The following ATXN8OS variants were observed in gnomAD, a reference collection of about 807,000 sequenced individuals.
ATXN8OS encodes the protein ATXN8 opposite strand lncRNA.
At chr13:70,111,472 G>T (rs1202584995) in intron 1 of ATXN8OS, among the ~76,000 whole-genome samples, 1 of 152,086 alleles carries the variant, frequency 6.6e-6, no homozygotes, top group African/African-American at 2.4e-5. Context: ...GCTGTCTCAG[G>T]TCCCTCTTCC....
At chr13:70,136,424 C>A (rs965701674) in intron 3 of ATXN8OS, among the ~76,000 whole-genome samples, 1 of 151,612 alleles carries the variant, frequency 6.6e-6, no homozygotes, top group African/African-American at 2.4e-5. Flanking sequence ...AAATTGTATC[C>A]TACTTTTTTG....
chr13:70,140,993 C>T (rs982159452), intron 3 of ATXN8OS, among the ~76,000 whole-genome samples: 5 of 152,092 alleles, frequency 3.3e-5, no homozygotes, highest in African/African-American at 1.2e-4. Flanking sequence ...AGTCTCATTC[C>T]TACCATAGTT....
chr13:70,143,426 T>A (rs117866884), intron 3 of ATXN8OS, among the ~76,000 whole-genome samples: 205 of 152,290 alleles, frequency 1.3e-3, no homozygotes, highest in Non-Finnish European at 2.5e-3. Flanking sequence ...TTAAATTAGT[T>A]CCTTATTATA....
At chr13:70,136,474 T>G (rs974554662) in intron 3 of ATXN8OS, among the ~76,000 whole-genome samples, 1 of 151,650 alleles carries the variant, frequency 6.6e-6, no homozygotes, top group African/African-American at 2.4e-5. Context: ...TGTATAATAT[T>G]AAGTATAATT....
At chr13:70,164,493 T>G (rs1220513249) in intron 4 of ATXN8OS, among the ~76,000 whole-genome samples, 4 of 151,968 alleles carry the variant, frequency 2.6e-5, no homozygotes, top group Non-Finnish European at 5.9e-5. Flanking sequence ...TTAGGATATT[T>G]CATCTTTGTA....
intron 3 of ATXN8OS, among the ~76,000 whole-genome samples, chr13:70,142,317 C>T (rs1174564486): frequency 1.3e-5 from 2 of 152,166 alleles, no homozygotes. Flanking sequence ...GGGCTTTAGG[C>T]TAAAGCTTTT....
intron 4 of ATXN8OS, among the ~76,000 whole-genome samples, chr13:70,160,405 A>G (rs1195824993): frequency 6.6e-6 from 1 of 152,000 alleles, no homozygotes; most frequent in Non-Finnish European, 1.5e-5. Context: ...AAGCAGTCCA[A>G]GATCAAAGTG....
chr13:70,165,228 G>A lies in ATXN8OS; in HGVS notation n.574-4525G>A, dbSNP rs377445220. On this transcript the variant is annotated intron_variant and non_coding_transcript_variant, in intron 4 of 4. Transcript: ENST00000678624. The stretch of plus-strand genomic sequence containing the variant: ...TTTAAGAGGAAGAGTGGAAATAAGA[G>A]CATAGAAGAGTAACAAAAAAAGAAA... Among the ~76,000 whole-genome samples, 8 of 151,736 alleles carry A rather than the reference G, an allele frequency of 5.3e-5. 1 individual carries two copies. The highest frequency in any genetic ancestry group is 2.1e-4 in the South Asian group (1 of 4,820).
intron 2 of ATXN8OS, among the ~76,000 whole-genome samples, chr13:70,120,310 C>A (rs1217293446): frequency 5.3e-5 from 8 of 152,042 alleles, no homozygotes; most frequent in Non-Finnish European, 1.2e-4. Context: ...AACTACTATA[C>A]AAAAAATAGA....
intron 2 of ATXN8OS, among the ~76,000 whole-genome samples, chr13:70,119,498 A>G (rs1888328406): frequency 6.6e-6 from 1 of 152,122 alleles, no homozygotes; most frequent in African/African-American, 2.4e-5. Context: ...TAAAGCTGTT[A>G]TTACAGTGTG....
chr13:70,115,166 C>A (rs1888257136), exon 2 of ATXN8OS: 1 of 398,332 alleles, frequency 2.5e-6, no homozygotes, highest in Non-Finnish European at 4.4e-6. Flanking sequence ...AGTTCAAGAC[C>A]AATGCACGAG....
intron 4 of ATXN8OS, among the ~76,000 whole-genome samples, chr13:70,154,766 A>G (rs1229482836): frequency 1.3e-5 from 2 of 152,216 alleles, no homozygotes; most frequent in East Asian, 3.8e-4. Context: ...TGTTCTCTGT[A>G]ACTAGTGACT....
intron 4 of ATXN8OS, among the ~76,000 whole-genome samples, chr13:70,161,148 T>C (rs1889004283): frequency 6.6e-6 from 1 of 151,640 alleles, no homozygotes; most frequent in African/African-American, 2.4e-5. Flanking sequence ...TTTTTAATGA[T>C]TGAATTGAAA....
intron 1 of ATXN8OS, among the ~76,000 whole-genome samples, chr13:70,112,285 G>A (rs544971752): frequency 7.5e-4 from 114 of 151,964 alleles, no homozygotes; most frequent in African/African-American, 2.6e-3. Context: ...GATTTGGGTG[G>A]GGACACAGAG....
At chr13:70,135,290 A>T (rs1402369022) in intron 3 of ATXN8OS, among the ~76,000 whole-genome samples, 1 of 151,976 alleles carries the variant, frequency 6.6e-6, no homozygotes, top group East Asian at 1.9e-4. Context: ...AGGTTTGTCA[A>T]TACTATTTCT....
intron 4 of ATXN8OS, among the ~76,000 whole-genome samples, chr13:70,163,590 T>TA (rs1435166552): frequency 6.6e-6 from 1 of 152,038 alleles, no homozygotes; most frequent in East Asian, 1.9e-4. Context: ...AATGAAGATG[T>TA]AAAATGCTTG....
chr13:70,115,896 C>T (rs145250902), intron 2 of ATXN8OS, among the ~76,000 whole-genome samples: 1 of 152,028 alleles, frequency 6.6e-6, no homozygotes, highest in African/African-American at 2.4e-5. Context: ...CTATAAAATA[C>T]TCAAGAAAAA....
At chr13:70,155,473 T>C (rs1468639610) in intron 4 of ATXN8OS, among the ~76,000 whole-genome samples, 1 of 152,160 alleles carries the variant, frequency 6.6e-6, no homozygotes, top group Admixed American at 6.6e-5. Flanking sequence ...AGAGTTCTCC[T>C]GGCCAGAATC....
chr13:70,140,612 T>C (rs1331104378), intron 3 of ATXN8OS, among the ~76,000 whole-genome samples: 5 of 151,760 alleles, frequency 3.3e-5, no homozygotes, highest in East Asian at 1.9e-4. Context: ...ATAACACTCA[T>C]AGAATGTCTT....
Sources: allele counts gnomAD v4.1 joint callset (sites outside exome capture counted in the v4.1 genomes callset), GRCh38; gene constraint gnomAD v4.1.1; transcripts MANE v1.5; gene names NCBI Gene and HGNC (gene_info 2026-07-23, HGNC 2026-07-21).